ADGRB3: variants seen among roughly 807,000 people sequenced by gnomAD.
ADGRB3 encodes adhesion G protein-coupled receptor B3.
In ADGRB3, 37 loss-of-function variants were observed where a neutral mutation model predicts 193.4. The ratio of observed to expected loss-of-function variants is 0.19; its 90% CI spans 0.15 to 0.25. The LOEUF (loss-of-function observed/expected upper bound fraction) is 0.25. ADGRB3 is among the 10% of genes least tolerant of loss of function. ADGRB3 has a pLI of 1.00. For synonymous variants in ADGRB3, 690 were observed against 644.2 expected (o/e 1.07, Z -1.08); for missense variants, 1,637 against 1,852.9 (o/e 0.88, Z 2.14).
rs1224203111 is a variant in ADGRB3 at position 69,013,999 on chromosome 6, T to A, written c.1930-39T>A. The A allele has an allele frequency of 1.5e-6, 2 of 1,367,082 alleles. 1 individual carries two copies. Among genetic ancestry groups the A allele is most frequent in the Admixed American group, 3.9e-5 (2 of 50,690 alleles). 84.7% of individuals were successfully genotyped at this position (1,367,082 alleles called of 1,614,324 possible). On this transcript the variant is annotated intron_variant, in intron 11 of 31. Coordinates refer to ENST00000370598, the MANE Select transcript of ADGRB3 (RefSeq NM_001704.3). Reference sequence around the variant, plus strand: ...GGTGTTATTAAAAAGTATAATTCTCTCATGTAATATTAAATCTTTTATCTA... The same window carrying A: ...GGTGTTATTAAAAAGTATAATTCTCACATGTAATATTAAATCTTTTATCTA...
chr6:68,819,910 C>T (rs529843940), intron 3 of ADGRB3, among the ~76,000 whole-genome samples: 2 of 152,186 alleles, frequency 1.3e-5, no homozygotes, highest in South Asian at 2.1e-4. Flanking sequence ...TCATCAAATA[C>T]TTTTATTTCC....
intron 28 of ADGRB3, among the ~76,000 whole-genome samples, chr6:69,356,274 A>G (rs1487403756): frequency 1.2e-4 from 18 of 152,160 alleles, no homozygotes; most frequent in Non-Finnish European, 1.0e-4. Context: ...GGTTGCTTTG[A>G]TCTACAGGCA....
At chr6:68,741,876 A>C (rs769995519) in intron 3 of ADGRB3, among the ~76,000 whole-genome samples, 2 of 152,280 alleles carry the variant, frequency 1.3e-5, no homozygotes, top group South Asian at 2.1e-4. Context: ...TCTTCTTCTT[A>C]TAACGTTTTA....
chr6:68,848,000 T>TA lies in ADGRB3; in HGVS notation c.758-82552dup, dbSNP rs558625862. 2.6e-3 allele frequency among the ~76,000 whole-genome samples: 392 copies of TA among 152,032 alleles called. 2 individuals are homozygous for TA. The highest frequency in any genetic ancestry group is 8.8e-3 in the African/African-American group (367 of 41,516). On this transcript the variant is annotated intron_variant, in intron 3 of 31. Coordinates refer to ENST00000370598, the MANE Select transcript of ADGRB3 (RefSeq NM_001704.3). Reference sequence around the variant, plus strand: ...AGTCATACAACTGAGAAATTAAATCTAAAAAAAGACGTCAACATAAAATCA... The same window carrying TA: ...AGTCATACAACTGAGAAATTAAATCTAAAAAAAAGACGTCAACATAAAATCA...
chr6:68,748,538 G>C (rs538078681), intron 3 of ADGRB3, among the ~76,000 whole-genome samples: 19 of 152,302 alleles, frequency 1.2e-4, no homozygotes, highest in South Asian at 8.3e-4. Flanking sequence ...TGGTGCAAGA[G>C]GTGGGTTCCC....
At chr6:69,205,335 C>T (rs945155801) in intron 17 of ADGRB3, among the ~76,000 whole-genome samples, 1 of 151,872 alleles carries the variant, frequency 6.6e-6, no homozygotes, top group African/African-American at 2.4e-5. Context: ...GTTATACTGG[C>T]CCTATGAATT....
intron 3 of ADGRB3, among the ~76,000 whole-genome samples, chr6:68,842,869 A>G (rs1188694113): frequency 1.3e-5 from 2 of 152,100 alleles, no homozygotes; most frequent in Non-Finnish European, 2.9e-5. Context: ...AGTTCAATGT[A>G]TGCAAATCAA....
intron 3 of ADGRB3, among the ~76,000 whole-genome samples, chr6:68,773,428 A>T (rs56236762): frequency 1.3e-5 from 2 of 152,120 alleles, no homozygotes; most frequent in Non-Finnish European, 2.9e-5. Context: ...ACTTGTAATG[A>T]TACTCAGTTC....
rs6907514 is a variant in ADGRB3, at chr6:69,074,836, C to A, written c.2437-1159C>A. On this transcript the variant is annotated intron_variant, in intron 16 of 31. Coordinates refer to ENST00000370598, the MANE Select transcript of ADGRB3 (RefSeq NM_001704.3). ...CTGGGATTACAGGCGTGAGCCACTG[C>A]GCCCGGCCTCAGGACTGTATCTTTT... is the stretch of plus-strand genomic sequence containing the variant. 3.9e-5 allele frequency among the ~76,000 whole-genome samples: 6 copies of A among 152,110 alleles called. No individual in the cohort carries two copies. The South Asian group carries it at 1.2e-3, about 32-fold the overall frequency.
At chr6:69,142,036 C>G (rs1774357666) in intron 17 of ADGRB3, among the ~76,000 whole-genome samples, 1 of 152,002 alleles carries the variant, frequency 6.6e-6, no homozygotes, top group Non-Finnish European at 1.5e-5. Context: ...AATCATAAAT[C>G]CTAAGATGAG....
At chr6:68,832,417 A>C (rs892412680) in intron 3 of ADGRB3, among the ~76,000 whole-genome samples, 15 of 152,072 alleles carry the variant, frequency 9.9e-5, no homozygotes, top group Non-Finnish European at 1.8e-4. Flanking sequence ...CTAGACTCTT[A>C]ATTTCCATAG....
At chr6:68,959,403 A>C (rs1313474426) in intron 8 of ADGRB3, among the ~76,000 whole-genome samples, 2 of 152,128 alleles carry the variant, frequency 1.3e-5, no homozygotes, top group East Asian at 3.9e-4. Flanking sequence ...TATTATTTTT[A>C]GTCTATTCAT....
chr6:68,646,475 CAAA>C (rs368034374), intron 3 of ADGRB3, among the ~76,000 whole-genome samples: 7 of 107,628 alleles, frequency 6.5e-5, no homozygotes, highest in South Asian at 3.2e-4. Context: ...GAAACTCTGT[CAAA>C]AAAAAAAAAA....
chr6:68,838,733 C>T (rs552171174), intron 3 of ADGRB3, among the ~76,000 whole-genome samples: 39 of 152,270 alleles, frequency 2.6e-4, no homozygotes, highest in African/African-American at 9.4e-4. Context: ...CCTCTCCATG[C>T]TTGATATGCT....
At chr6:69,316,429 A>T (rs1182889798) in intron 20 of ADGRB3, among the ~76,000 whole-genome samples, 1 of 151,538 alleles carries the variant, frequency 6.6e-6, no homozygotes, top group East Asian at 1.9e-4. Context: ...ACACAATCAT[A>T]TATTGACACA....
chr6:68,762,035 A>T (rs1230712670), intron 3 of ADGRB3, among the ~76,000 whole-genome samples: 2 of 152,214 alleles, frequency 1.3e-5, no homozygotes, highest in African/African-American at 4.8e-5. Context: ...TAGTGAATAT[A>T]TACAAATATT....
At chr6:68,645,703 A>G (rs865789591) in intron 3 of ADGRB3, among the ~76,000 whole-genome samples, 5 of 152,054 alleles carry the variant, frequency 3.3e-5, no homozygotes, top group African/African-American at 4.8e-5. Flanking sequence ...ACGGAGTTGC[A>G]TTCTTGTTGC....
chr6:69,109,806 T>A (rs1455737620), intron 17 of ADGRB3, among the ~76,000 whole-genome samples: 1 of 152,190 alleles, frequency 6.6e-6, no homozygotes, highest in African/African-American at 2.4e-5. Context: ...GCAAGTCTAG[T>A]CTCTAATATC....
At chr6:69,029,972 G>T (rs1770581867) in intron 13 of ADGRB3, among the ~76,000 whole-genome samples, 1 of 93,484 alleles carries the variant, frequency 1.1e-5, no homozygotes, top group South Asian at 3.0e-4. Context: ...ATGATATATA[G>T]AATGCACACA....
Sources: allele counts gnomAD v4.1 joint callset (sites outside exome capture counted in the v4.1 genomes callset), GRCh38; gene constraint gnomAD v4.1.1; transcripts MANE v1.5; gene names NCBI Gene and HGNC (gene_info 2026-07-23, HGNC 2026-07-21).